The following PCDHGA9 variants were observed in gnomAD, a reference collection of about 807,000 sequenced individuals.
PCDHGA9 encodes the protein protocadherin gamma subfamily A, 9.
In PCDHGA9, 37 loss-of-function variants were observed where a neutral mutation model predicts 62.5. That is an observed-to-expected ratio of 0.59 (90% confidence interval 0.46 to 0.78). The LOEUF (loss-of-function observed/expected upper bound fraction) is 0.78, where lower values mean the gene tolerates loss of function less well. Ranked by LOEUF, PCDHGA9 falls within the 30% of genes least tolerant of loss-of-function variation. PCDHGA9 has a pLI of 0.00. For missense variants in PCDHGA9, 1,138 were observed against 1,166.2 expected (o/e 0.98, Z 0.35); for synonymous variants, 459 against 484.6 (o/e 0.95, Z 0.69).
chr5:141,407,732 A>G (rs1294403186), intron 1 of PCDHGA9, among the ~76,000 whole-genome samples: 3 of 152,242 alleles, frequency 2.0e-5, no homozygotes, highest in Non-Finnish European at 4.4e-5. Flanking sequence ...AAGGTTCACT[A>G]TATATACTCC....
intron 3 of PCDHGA9, among the ~76,000 whole-genome samples, chr5:141,509,398 G>A (rs1218925417): frequency 6.6e-6 from 1 of 152,106 alleles, no homozygotes; most frequent in Admixed American, 6.5e-5. Context: ...GGATCTCAGG[G>A]CCTCCAGCAG....
intron 1 of PCDHGA9, chr5:141,422,844 G>A: frequency 6.2e-7 from 1 of 1,614,238 alleles, no homozygotes; most frequent in Non-Finnish European, 8.5e-7. Context: ...GTGACAGCGG[G>A]GACCCGCCCC....
chr5:141,428,891 G>A (rs1382228334), intron 1 of PCDHGA9: 3 of 149,832 alleles, frequency 2.0e-5, no homozygotes, highest in East Asian at 3.9e-4. Flanking sequence ...GTCTCGCTCT[G>A]TGGTCCAGGC....
At position 141,477,226 on chromosome 5, in the gene PCDHGA9, C is replaced by G. The variant is rs779570150; in HGVS notation, c.2425-17581C>G. 59 of 1,614,076 alleles carry G rather than the reference C, an allele frequency of 3.7e-5. No homozygotes were observed. The highest frequency in any genetic ancestry group is 1.3e-4 in the Admixed American group (8 of 60,004). On this transcript the variant is annotated intron_variant, in intron 1 of 3. Coordinates refer to ENST00000573521, the MANE Select transcript of PCDHGA9 (RefSeq NM_018921.3). This position sits in a 1 kb window ranked among gnomAD's most constrained non-coding sequence, Gnocchi z 4.9. ...CCGAGGATGCCCCTCTGGGGACTGT[C>G]ATCGCTTTGCTCAGTGTGACTGACC...
At position 141,432,195 on chromosome 5, in the gene PCDHGA9, C is replaced by G; in HGVS notation, c.2424+26819C>G. 1 of 1,614,206 alleles carries G rather than the reference C, an allele frequency of 6.2e-7. No individual in the cohort carries two copies. The highest frequency in any genetic ancestry group is 8.5e-7 in the Non-Finnish European group (1 of 1,180,050). On this transcript the variant is annotated intron_variant, in intron 1 of 3. Transcript: ENST00000573521. The surrounding 1 kb of genome is among the most constrained non-coding windows in gnomAD (Gnocchi z 6.0). ...CTCGTCTCTGTGACCGCCCACGACC[C>G]CGACTGTGAAGAGAACGCCCAGATC...
chr5:141,494,182 C>A (rs188628485), intron 1 of PCDHGA9, among the ~76,000 whole-genome samples: 1 of 152,126 alleles, frequency 6.6e-6, no homozygotes, highest in Non-Finnish European at 1.5e-5. Context: ...AGAAGTGTCC[C>A]GGGACTTGGA....
In PCDHGA9 at chr5:141,476,650, A is replaced by G. The variant is rs2099395609; in HGVS notation, c.2425-18157A>G. 6.2e-7 allele frequency: 1 copy of G among 1,614,126 alleles called. No individual in the cohort carries two copies. The highest frequency in any genetic ancestry group is 1.3e-5 in the African/African-American group (1 of 74,952). On this transcript the variant is annotated intron_variant, in intron 1 of 3. Transcript: ENST00000573521. This position sits in a 1 kb window ranked among gnomAD's most constrained non-coding sequence, Gnocchi z 7.6. Reference sequence around the variant, plus strand: ...AAACCTATGAGCTGAGCCGAAATGAATACTTTGCGCTTCGCGTGCAGACGC... The same window carrying G: ...AAACCTATGAGCTGAGCCGAAATGAGTACTTTGCGCTTCGCGTGCAGACGC...
rs1337141924 is a variant in PCDHGA9, at chr5:141,512,916, CTAATATT to C, written c.*1746_*1752del. On this transcript the variant is annotated 3_prime_UTR_variant, in exon 4 of 4. Coordinates refer to ENST00000573521, the MANE Select transcript of PCDHGA9 (RefSeq NM_018921.3). The stretch of plus-strand genomic sequence containing the variant: ...CTGTGTCTCACGCAAGTTTTATACT[CTAATATT>C]TATATGGCTTTTTTTCTTCGACAAA... The C allele has an allele frequency of 1.3e-5, 2 of 152,206 alleles. No homozygotes were observed. Among genetic ancestry groups the C allele is most frequent in the Non-Finnish European group, 2.9e-5 (2 of 68,046 alleles). The allele number at this position is 152,206 out of a possible 1,614,324, so 9.4% of individuals were successfully genotyped here.
rs1419819549 is a variant in PCDHGA9 at position 141,405,132 on chromosome 5, C to T, written c.2180C>T (p.Ala727Val). Reference protein sequence around the residue: ...RHWHSSHLLRATSDGLAGVPT... With the variant: ...RHWHSSHLLRVTSDGLAGVPT... ...TGGCACTCCTCGCATCTGCTGCGGG[C>T]TACCAGTGATGGGTTGGCTGGTGTG... Residue 727 changes from alanine to valine, a missense_variant, in exon 1 of 4, where the codon GCT becomes GTT. Physicochemically the swap from Ala to Val is moderately conservative, Grantham distance 64. Transcript: ENST00000573521. 2 of 1,614,032 alleles carry T rather than the reference C, an allele frequency of 1.2e-6. No individual in the cohort carries two copies. Among genetic ancestry groups the T allele is most frequent in the East Asian group, 4.5e-5 (2 of 44,860 alleles).
chr5:141,423,758 G>GGGT, intron 1 of PCDHGA9: 1 of 366,842 alleles, frequency 2.7e-6, no homozygotes, highest in Non-Finnish European at 3.8e-6. Context: ...TTTGGGGGGG[G>GGGT]GGTGGGGCGG....
At chr5:141,478,231 T>C (rs1423148) in intron 1 of PCDHGA9, 739,438 of 1,613,786 alleles carry the variant, frequency 0.46, 177,434 homozygotes, top group African/African-American at 0.83. Flanking sequence ...CTGTGGGGTT[T>C]GTGGTCACAG....
chr5:141,480,694 G>A (rs1446014656), intron 1 of PCDHGA9, among the ~76,000 whole-genome samples: 1 of 152,128 alleles, frequency 6.6e-6, no homozygotes, highest in Non-Finnish European at 1.5e-5. Flanking sequence ...TGAAACCCAG[G>A]CCACACCCCG....
chr5:141,432,250 A>C lies in PCDHGA9; in HGVS notation c.2424+26874A>C, dbSNP rs777728825. ...ATTCCCTGGCTGAGAACACCATCCA[A>C]GGGGCAAGCCTATCGTCCTACGTGT... On this transcript the variant is annotated intron_variant, in intron 1 of 3. Coordinates refer to ENST00000573521, the MANE Select transcript of PCDHGA9 (RefSeq NM_018921.3). This position sits in a 1 kb window ranked among gnomAD's most constrained non-coding sequence, Gnocchi z 6.0. 2 of 1,614,116 alleles carry C rather than the reference A, an allele frequency of 1.2e-6. No homozygotes were observed. The highest frequency in any genetic ancestry group is 1.7e-6 in the Non-Finnish European group (2 of 1,180,062).
chr5:141,415,654 A>ATTGGT, intron 1 of PCDHGA9: 1 of 1,573,242 alleles, frequency 6.4e-7, no homozygotes, highest in Non-Finnish European at 8.6e-7. Flanking sequence ...AAAAAAAAAG[A>ATTGGT]TTGGTTTTTA....
At chr5:141,502,862 CTGTCT>C (rs2099816366) in intron 2 of PCDHGA9, among the ~76,000 whole-genome samples, 2 of 68,560 alleles carry the variant, frequency 2.9e-5, no homozygotes, top group Admixed American at 3.3e-4. Flanking sequence ...CCCTGACTCT[CTGTCT>C]TTTTTTTTTT....
chr5:141,486,091 G>A lies in PCDHGA9; in HGVS notation c.2425-8716G>A, dbSNP rs2099624256. On this transcript the variant is annotated intron_variant, in intron 1 of 3. Coordinates refer to ENST00000573521, the MANE Select transcript of PCDHGA9 (RefSeq NM_018921.3). This position sits in a 1 kb window ranked among gnomAD's most constrained non-coding sequence, Gnocchi z 5.0. ...CTACTGGAAAGCTTACTCTTTTGGGGCCCCTAGACTTTGAGAGTGAGAATT... is the reference window on the plus strand; with the variant it reads ...CTACTGGAAAGCTTACTCTTTTGGGACCCCTAGACTTTGAGAGTGAGAATT... 2 of 1,614,158 alleles carry A rather than the reference G, an allele frequency of 1.2e-6. No homozygotes were observed. Among genetic ancestry groups the A allele is most frequent in the Non-Finnish European group, 1.7e-6 (2 of 1,180,024 alleles).
At chr5:141,410,846 TGTC>T (rs1025068052) in intron 1 of PCDHGA9, 5 of 423,660 alleles carry the variant, frequency 1.2e-5, no homozygotes, top group South Asian at 4.0e-5. Flanking sequence ...ATTTTGTCTT[TGTC>T]TTTTTTTTTT....
intron 1 of PCDHGA9, among the ~76,000 whole-genome samples, chr5:141,433,465 C>T (rs1386201581): frequency 6.6e-6 from 1 of 152,060 alleles, no homozygotes; most frequent in Non-Finnish European, 1.5e-5. Context: ...GAAACTTGGG[C>T]TCAGGCTAGC....
chr5:141,491,178 C>T lies in PCDHGA9; in HGVS notation c.2425-3629C>T, dbSNP rs774139827. 6.2e-7 allele frequency: 1 copy of T among 1,614,146 alleles called. No individual in the cohort carries two copies. The highest frequency in any genetic ancestry group is 8.5e-7 in the Non-Finnish European group (1 of 1,179,992). On this transcript the variant is annotated intron_variant, in intron 1 of 3. Coordinates refer to ENST00000573521, the MANE Select transcript of PCDHGA9 (RefSeq NM_018921.3). The surrounding 1 kb of genome is among the most constrained non-coding windows in gnomAD (Gnocchi z 6.9). ...ACTCTGACACCCAGCAGGTGGTGGT[C>T]CTGGTGAGGGACAATGGTGACCCTT...
Sources: allele counts gnomAD v4.1 joint callset (sites outside exome capture counted in the v4.1 genomes callset), GRCh38; gene constraint gnomAD v4.1.1; non-coding constraint Gnocchi (gnomAD v3.1); transcripts MANE v1.5; gene names NCBI Gene and HGNC (gene_info 2026-07-23, HGNC 2026-07-21).